The following PTPRD variants were observed in gnomAD, a reference collection of about 807,000 sequenced individuals.
PTPRD encodes receptor-type tyrosine-protein phosphatase delta.
Under a neutral mutation model 214.5 loss-of-function variants are expected in PTPRD, and 34 were observed. The observed-to-expected ratio is 0.16, with a 90% CI of 0.12 to 0.21. The LOEUF is 0.21. Ranked by LOEUF, PTPRD falls within the 10% of genes least tolerant of loss-of-function variation. The pLI, the probability that PTPRD is intolerant of heterozygous loss-of-function variation, is 1.00. For missense variants in PTPRD, 2,545 were observed against 2,398.7 expected, an observed-to-expected ratio of 1.06 and a Z score of -1.27; for synonymous variants, 1,128 against 845.7, an observed-to-expected ratio of 1.33 and a Z score of -5.79.
chr9:9,211,863 A>T (rs766901862), intron 9 of PTPRD, among the ~76,000 whole-genome samples: 20 of 151,724 alleles, frequency 1.3e-4, no homozygotes, highest in Admixed American at 7.9e-4. Context: ...TGAGTAACTT[A>T]GCCCAGGTTA....
intron 2 of PTPRD, among the ~76,000 whole-genome samples, chr9:10,529,567 G>C (rs1158785780): frequency 6.7e-6 from 1 of 150,342 alleles, no homozygotes; most frequent in Admixed American, 6.6e-5. Flanking sequence ...GGGGCCTGTT[G>C]GGGGATGGGG....
chr9:10,470,396 G>C (rs1007909790), intron 2 of PTPRD, among the ~76,000 whole-genome samples: 1 of 152,016 alleles, frequency 6.6e-6, no homozygotes, highest in African/African-American at 2.4e-5. Context: ...ATAGTAAATG[G>C]ATTTCAATGT....
intron 6 of PTPRD, among the ~76,000 whole-genome samples, chr9:9,762,342 G>A (rs2098665535): frequency 6.6e-6 from 1 of 152,188 alleles, no homozygotes; most frequent in Non-Finnish European, 1.5e-5. Flanking sequence ...TCTTCTTGAA[G>A]TGACAGTCTA....
At chr9:8,516,411 TA>T (rs2097781764) in intron 21 of PTPRD, among the ~76,000 whole-genome samples, 1 of 152,096 alleles carries the variant, frequency 6.6e-6, no homozygotes, top group African/African-American at 2.4e-5. Context: ...AACAAGCCAA[TA>T]AGAACCAAAT....
At chr9:9,869,868 G>T (rs2064982250) in intron 5 of PTPRD, among the ~76,000 whole-genome samples, 1 of 151,884 alleles carries the variant, frequency 6.6e-6, no homozygotes, top group African/African-American at 2.4e-5. Flanking sequence ...TAAAAATACA[G>T]CAGAGATTGA....
intron 14 of PTPRD, among the ~76,000 whole-genome samples, chr9:8,575,050 C>T (rs766130897): frequency 1.3e-5 from 2 of 152,084 alleles, no homozygotes; most frequent in Non-Finnish European, 2.9e-5. Context: ...ATAGATCACA[C>T]TTCATCAGAG....
chr9:9,706,985 T>C (rs2097631872), intron 7 of PTPRD, among the ~76,000 whole-genome samples: 1 of 152,102 alleles, frequency 6.6e-6, no homozygotes, highest in Admixed American at 6.6e-5. Context: ...AAAGATAAAA[T>C]AGAATAAGTT....
Position 8,486,265 on chromosome 9 carries a change from C to T in PTPRD, c.2552G>A (p.Gly851Glu), listed in dbSNP as rs143196383. The part of the protein sequence containing the change: ...IQWHPPVDTF[G>E]PLQGYRLKFG... The stretch of plus-strand genomic sequence containing the variant: ...TTTTAGACGGTAGCCCTGAAGAGGT[C>T]CAAATGTGTCCACCGGAGGGTGCCA... Residue 851 changes from glycine to glutamate, a missense_variant, in exon 28 of 46, where the codon GGA (glycine) becomes GAA (glutamate). Coordinates refer to ENST00000381196, the MANE Select transcript of PTPRD (RefSeq NM_002839.4). 89 of 1,614,040 alleles carry T rather than the reference C, an allele frequency of 5.5e-5. No individual in the cohort carries two copies. In the Middle Eastern group the frequency reaches 6.6e-4, roughly 12 times the overall value.
intron 9 of PTPRD, among the ~76,000 whole-genome samples, chr9:9,224,319 G>A (rs2099958060): frequency 6.6e-6 from 1 of 152,008 alleles, no homozygotes; most frequent in Non-Finnish European, 1.5e-5. Context: ...TGGGGAGGGA[G>A]AAAGGGAAAG....
At chr9:9,070,931 TCTC>T (rs2099742770) in intron 10 of PTPRD, among the ~76,000 whole-genome samples, 2 of 152,214 alleles carry the variant, frequency 1.3e-5, no homozygotes, top group Non-Finnish European at 2.9e-5. Flanking sequence ...TGAGACAGGA[TCTC>T]ACTCTGCCTC....
chr9:8,534,098 T>C (rs1006583862), intron 14 of PTPRD, among the ~76,000 whole-genome samples: 1 of 152,010 alleles, frequency 6.6e-6, no homozygotes, highest in African/African-American at 2.4e-5. Flanking sequence ...TGATTTTCCT[T>C]CCATTGAGAA....
intron 3 of PTPRD, among the ~76,000 whole-genome samples, chr9:10,260,257 A>G (rs2093606318): frequency 6.6e-6 from 1 of 152,150 alleles, no homozygotes; most frequent in Admixed American, 6.5e-5. Flanking sequence ...TACCAAATAC[A>G]CAGAACCCCT....
intron 10 of PTPRD, chr9:9,091,378 A>G: frequency 8.7e-6 from 6 of 686,936 alleles, no homozygotes; most frequent in Non-Finnish European, 1.3e-5. Context: ...TAAATCTCCA[A>G]TCACCTTATG....
intron 2 of PTPRD, among the ~76,000 whole-genome samples, chr9:10,456,434 T>A (rs566550625): frequency 1.3e-3 from 199 of 152,094 alleles, no homozygotes; most frequent in Middle Eastern, 3.4e-3. Context: ...TATTTTTGTT[T>A]GTTTAAAAGA....
Position 10,089,862 on chromosome 9 carries a change from C to T in PTPRD, c.-544-56072G>A, listed in dbSNP as rs181637955. Among the ~76,000 whole-genome samples, 116 of 151,728 alleles carry T rather than the reference C, an allele frequency of 7.6e-4. 2 individuals carry two copies. The South Asian group carries it at 0.022, about 29-fold the overall frequency. ...AGTTCAAGGGTAGAACCATCAGACA[C>T]CTGACTGTGTGAGCTACTAACCTTC... On this transcript the variant is annotated intron_variant, in intron 3 of 45. Coordinates refer to ENST00000381196, the MANE Select transcript of PTPRD (RefSeq NM_002839.4).
chr9:8,709,333 T>C (rs2098277102), intron 12 of PTPRD, among the ~76,000 whole-genome samples: 1 of 151,660 alleles, frequency 6.6e-6, no homozygotes, highest in South Asian at 2.1e-4. Flanking sequence ...GCTAACACAG[T>C]GAAACCCTGT....
At chr9:10,512,519 T>C (rs759342216) in intron 2 of PTPRD, among the ~76,000 whole-genome samples, 1 of 152,078 alleles carries the variant, frequency 6.6e-6, no homozygotes, top group Non-Finnish European at 1.5e-5. Flanking sequence ...TTGGGGGGAA[T>C]GGAGCTTAGA....
chr9:9,313,506 G>A (rs749174451), intron 9 of PTPRD, among the ~76,000 whole-genome samples: 2 of 152,126 alleles, frequency 1.3e-5, no homozygotes, highest in Non-Finnish European at 2.9e-5. Context: ...ATCCTGGTAG[G>A]AATCATCTAA....
At chr9:9,566,584 A>C (rs907678006) in intron 8 of PTPRD, among the ~76,000 whole-genome samples, 7 of 152,144 alleles carry the variant, frequency 4.6e-5, no homozygotes, top group African/African-American at 1.7e-4. Context: ...TGGATGTTTT[A>C]TTACATAGAC....
Sources: gnomAD v4.1 joint callset for allele counts (sites outside exome capture counted in the v4.1 genomes callset) on GRCh38, gnomAD v4.1.1 for gene constraint, MANE v1.5 for transcripts, NCBI Gene and HGNC (gene_info 2026-07-23, HGNC 2026-07-21) for gene names.